GSK3B: variants seen among roughly 807,000 people sequenced by gnomAD.
The protein encoded by GSK3B is glycogen synthase kinase-3 beta.
GSK3B carries 15 observed loss-of-function variants against 56.4 expected under a neutral mutation model. That is an observed-to-expected ratio of 0.27 (90% CI 0.18 to 0.41). The LOEUF (loss-of-function observed/expected upper bound fraction) is 0.41. Ranked by LOEUF, GSK3B falls within the 10% of genes least tolerant of loss-of-function variation. The pLI, the probability that GSK3B is intolerant of heterozygous loss-of-function variation, is 1.00. For synonymous variants in GSK3B, 181 were observed against 188.9 expected (o/e 0.96, Z 0.34); for missense variants, 300 against 513.4 (o/e 0.58, Z 4.02).
At chr3:120,087,538 A>G (rs2058474931) in intron 1 of GSK3B, among the ~76,000 whole-genome samples, 1 of 152,174 alleles carries the variant, frequency 6.6e-6, no homozygotes, top group Non-Finnish European at 1.5e-5. Context: ...TCTCAAAAAA[A>G]AAAAAAGTGT....
At chr3:119,931,538 C>T (rs568801787) in intron 3 of GSK3B, among the ~76,000 whole-genome samples, 1 of 152,060 alleles carries the variant, frequency 6.6e-6, no homozygotes, top group Non-Finnish European at 1.5e-5. Context: ...ATCGCTTCAA[C>T]CCAGGAGGCG....
chr3:120,052,655 C>T (rs925571485), intron 1 of GSK3B, among the ~76,000 whole-genome samples: 7 of 152,176 alleles, frequency 4.6e-5, no homozygotes, highest in Non-Finnish European at 1.5e-5. Flanking sequence ...ATTCTCATTA[C>T]ACTCTCAGAC....
chr3:120,041,938 C>A (rs1282072382), intron 1 of GSK3B, among the ~76,000 whole-genome samples: 1 of 152,216 alleles, frequency 6.6e-6, no homozygotes, highest in African/African-American at 2.4e-5. Context: ...CAGGAGGAAC[C>A]ATCTATACCA....
intron 1 of GSK3B, among the ~76,000 whole-genome samples, chr3:120,037,344 A>G (rs1361804905): frequency 6.6e-6 from 1 of 152,224 alleles, no homozygotes; most frequent in African/African-American, 2.4e-5. Flanking sequence ...GTAATAGCTT[A>G]TCCAATTATC....
At chr3:119,975,071 A>C (rs1234318607) in intron 2 of GSK3B, among the ~76,000 whole-genome samples, 1 of 152,230 alleles carries the variant, frequency 6.6e-6, no homozygotes, top group Non-Finnish European at 1.5e-5. Flanking sequence ...TCAGCTACCC[A>C]AACCAAGATG....
intron 4 of GSK3B, among the ~76,000 whole-genome samples, chr3:119,918,987 T>C (rs1358115885): frequency 1.3e-5 from 2 of 152,170 alleles, no homozygotes; most frequent in East Asian, 1.9e-4. Flanking sequence ...ATTCAAAAAA[T>C]GCATCCAACT....
rs142418748 is a variant in GSK3B, at chr3:120,040,698, C to T, written c.89-38459G>A. Among the ~76,000 whole-genome samples, 16 of 152,026 alleles carry T rather than the reference C, an allele frequency of 1.1e-4. No individual in the cohort carries two copies. The East Asian group carries it at 3.1e-3, about 29-fold the overall frequency. ...CCAATCTCTTGTTAAAAGACCTAGC[C>T]CCCTAGGTCTCATGTTAAAATATTG... On this transcript the variant is annotated intron_variant, in intron 1 of 10. Coordinates refer to ENST00000264235, the MANE Select transcript of GSK3B (RefSeq NM_001146156.2).
rs770325911 is a variant in GSK3B, at chr3:120,002,217, C to A, written c.111G>T (p.Val37=). 5.7e-6 allele frequency: 9 copies of A among 1,569,274 alleles called. No homozygotes were observed. The Admixed American group carries it at 1.7e-4, about 30-fold the overall frequency. ...GCCCAGGAGTTGCCACCACTGTTGT[C>A]ACCTTGCTGCCGTCCTTGTCTCCTA... is the stretch of plus-strand genomic sequence containing the variant. ...KVSRDKDGSK[V]TTVVATPGQG... The change falls in exon 2 of 11, where the codon GTG becomes GTT. Residue 37 remains valine, a synonymous_variant. Transcript: ENST00000264235.
chr3:119,852,435 GC>G (rs1167752000), intron 9 of GSK3B, among the ~76,000 whole-genome samples: 2 of 151,530 alleles, frequency 1.3e-5, no homozygotes, highest in Non-Finnish European at 2.9e-5. Flanking sequence ...CGTGACCTCT[GC>G]CTCCTGGGTT....
At chr3:120,036,792 C>CAAA (rs560163237) in intron 1 of GSK3B, among the ~76,000 whole-genome samples, 1,385 of 64,074 alleles carry the variant, frequency 0.022, 156 homozygotes, top group African/African-American at 0.066. Context: ...GACTCCGACT[C>CAAA]AAAAAAAAAA....
chr3:119,942,263 T>G (rs2057056015), intron 3 of GSK3B, among the ~76,000 whole-genome samples: 1 of 152,162 alleles, frequency 6.6e-6, no homozygotes, highest in African/African-American at 2.4e-5. Context: ...GAAATAAAAT[T>G]TAAGGATCTT....
At chr3:120,023,148 G>A (rs1323829050) in intron 1 of GSK3B, among the ~76,000 whole-genome samples, 1 of 151,388 alleles carries the variant, frequency 6.6e-6, no homozygotes, top group Non-Finnish European at 1.5e-5. Context: ...GTGACTGCTG[G>A]TGAATTTCTT....
At chr3:119,978,775 G>A (rs370994866) in intron 2 of GSK3B, among the ~76,000 whole-genome samples, 168 of 152,250 alleles carry the variant, frequency 1.1e-3, no homozygotes, top group African/African-American at 3.9e-3. Flanking sequence ...CAGCCAACTG[G>A]TAAGATCTGC....
At chr3:120,026,231 T>C (rs1362481507) in intron 1 of GSK3B, among the ~76,000 whole-genome samples, 1 of 152,060 alleles carries the variant, frequency 6.6e-6, no homozygotes, top group African/African-American at 2.4e-5. Flanking sequence ...GTCTTAAAAC[T>C]TTCCCCAAAT....
At chr3:120,056,604 T>G (rs1184251279) in intron 1 of GSK3B, among the ~76,000 whole-genome samples, 3 of 152,082 alleles carry the variant, frequency 2.0e-5, no homozygotes, top group Non-Finnish European at 4.4e-5. Flanking sequence ...CCTCCCAAAG[T>G]GCTGGTATAC....
At chr3:119,897,019 A>G (rs2056575244) in intron 7 of GSK3B, among the ~76,000 whole-genome samples, 1 of 152,214 alleles carries the variant, frequency 6.6e-6, no homozygotes, top group African/African-American at 2.4e-5. Flanking sequence ...ACTATAAATA[A>G]ATTAGTTTTG....
intron 9 of GSK3B, among the ~76,000 whole-genome samples, chr3:119,852,844 T>C (rs1163474383): frequency 2.0e-5 from 3 of 152,330 alleles, no homozygotes; most frequent in Middle Eastern, 3.4e-3. Context: ...GATGGGTAGA[T>C]TGCAAAAATT....
At chr3:119,983,158 G>A (rs975558698) in intron 2 of GSK3B, among the ~76,000 whole-genome samples, 2 of 152,154 alleles carry the variant, frequency 1.3e-5, no homozygotes, top group African/African-American at 4.8e-5. Flanking sequence ...CAAATGCTGA[G>A]AGACTTTGTC....
chr3:119,855,219 C>T (rs1037856851), intron 9 of GSK3B, among the ~76,000 whole-genome samples: 2 of 152,048 alleles, frequency 1.3e-5, no homozygotes, highest in African/African-American at 4.8e-5. Flanking sequence ...CCAACAGACA[C>T]ATGAAAAAAT....
Sources: allele counts gnomAD v4.1 joint callset (sites outside exome capture counted in the v4.1 genomes callset), GRCh38; gene constraint gnomAD v4.1.1; transcripts MANE v1.5; gene names NCBI Gene and HGNC (gene_info 2026-07-23, HGNC 2026-07-21).